The following AHRR variants were observed in gnomAD, a reference collection of about 807,000 sequenced individuals.
AHRR encodes the protein ahR repressor.
A neutral mutation model predicts 44.0 loss-of-function variants in AHRR; 28 were observed. That is an observed-to-expected ratio of 0.64 (90% confidence interval 0.47 to 0.87). AHRR has a LOEUF of 0.87. AHRR is among the 40% of genes least tolerant of loss of function. The pLI is 0.00. For synonymous variants in AHRR, 434 were observed against 407.0 expected (o/e 1.07, Z -0.80); for missense variants, 990 against 953.9 (o/e 1.04, Z -0.50).
At chr5:325,909 A>C (rs1741689801) in intron 1 of AHRR, among the ~76,000 whole-genome samples, 2 of 152,034 alleles carry the variant, frequency 1.3e-5, no homozygotes. Flanking sequence ...TAGCCTCCCG[A>C]GTAGCTGGGA....
rs551064011 is a variant in AHRR at position 368,116 on chromosome 5, C to T, written c.245-8494C>T. 84 of 593,684 alleles carry T rather than the reference C, an allele frequency of 1.4e-4. No individual in the cohort carries two copies. In the African/African-American group the frequency reaches 1.5e-3, roughly 11 times the overall value. The allele number at this position is 593,684 out of a possible 1,614,324, so 36.8% of individuals were successfully genotyped here. ...TTCATTATTTATAAACAAATGGAGA[C>T]TCTGACAGCTGAGCTGGCACTCCTC... On this transcript the variant is annotated intron_variant, in intron 3 of 10. Coordinates refer to ENST00000684583, the MANE Select transcript of AHRR (RefSeq NM_001377236.1).
At chr5:330,668 C>T (rs959353205) in intron 1 of AHRR, among the ~76,000 whole-genome samples, 10 of 151,946 alleles carry the variant, frequency 6.6e-5, no homozygotes, top group African/African-American at 1.7e-4. Context: ...CTGTGCGCCG[C>T]GGAGGATTTT....
intron 4 of AHRR, among the ~76,000 whole-genome samples, chr5:378,008 G>A (rs1473670657): frequency 1.3e-5 from 2 of 152,202 alleles, no homozygotes; most frequent in African/African-American, 4.8e-5. Flanking sequence ...AGCAGTTCCC[G>A]AAGTCTCAGT....
intron 1 of AHRR, among the ~76,000 whole-genome samples, chr5:329,656 C>T (rs573675780): frequency 6.6e-6 from 1 of 152,316 alleles, no homozygotes; most frequent in East Asian, 1.9e-4. Context: ...TTTGTGTCAT[C>T]TACAATTTTC....
At position 427,871 on chromosome 5, in the gene AHRR, C is replaced by A; in HGVS notation, c.773C>A (p.Ala258Asp). The A allele has an allele frequency of 2.5e-6, 4 of 1,614,086 alleles. No homozygotes were observed. Among genetic ancestry groups the A allele is most frequent in the Non-Finnish European group, 3.4e-6 (4 of 1,180,016 alleles). Residue 258 changes from alanine to aspartate, a missense_variant, in exon 8 of 11, where the codon GCC becomes GAC. Coordinates refer to ENST00000684583, the MANE Select transcript of AHRR (RefSeq NM_001377236.1). ...CAGAAGAAGAAGGCGCCGTCAGGAG[C>A]CATGCTCCCGCCGCGGCTGTCGCTG... ...FGQKKKAPSG[A>D]MLPPRLSLFC...
chr5:421,765 G>C (rs1371343875), intron 5 of AHRR, among the ~76,000 whole-genome samples: 3 of 152,234 alleles, frequency 2.0e-5, no homozygotes, highest in Admixed American at 1.3e-4. Flanking sequence ...CTGAGGCTGT[G>C]TCTCATCTTG....
chr5:337,280 A>G lies in AHRR; in HGVS notation c.-10-6613A>G, dbSNP rs1308416645. On this transcript the variant is annotated intron_variant, in intron 1 of 10. Coordinates refer to ENST00000684583, the MANE Select transcript of AHRR (RefSeq NM_001377236.1). The surrounding 1 kb of genome is among the most constrained non-coding windows in gnomAD (Gnocchi z 4.1). ...CACTGTCCTCCCCACTTTATAGAGA[A>G]GCAAATCCCTAACATGCCATTTATT... Among the ~76,000 whole-genome samples, 1 of 152,204 alleles carries G rather than the reference A, an allele frequency of 6.6e-6. No individual in the cohort carries two copies. The highest frequency in any genetic ancestry group is 1.5e-5 in the Non-Finnish European group (1 of 68,028).
At position 433,755 on chromosome 5, in the gene AHRR, C is replaced by T. The variant is rs370611919; in HGVS notation, c.1113-98C>T. 220 of 1,303,566 alleles carry T rather than the reference C, an allele frequency of 1.7e-4. 1 individual carries two copies. The African/African-American group carries it at 3.2e-3, about 19-fold the overall frequency. The allele number at this position is 1,303,566 out of a possible 1,614,324, so 80.7% of individuals were successfully genotyped here. A position where few individuals can be genotyped will look rare whatever the true frequency, so the allele number is the denominator to read the frequency against. ...GTAGCAGCCTTGGCAGATTTAGCAT[C>T]GTCCTGATTTCGTAGCCTCCCTTAG... On this transcript the variant is annotated intron_variant, in intron 10 of 10. Coordinates refer to ENST00000684583, the MANE Select transcript of AHRR (RefSeq NM_001377236.1).
chr5:372,907 G>T (rs1743627203), intron 3 of AHRR, among the ~76,000 whole-genome samples: 1 of 152,204 alleles, frequency 6.6e-6, no homozygotes, highest in Non-Finnish European at 1.5e-5. Flanking sequence ...TCTCCTCTGT[G>T]TGAAGAAACA....
Position 434,746 on chromosome 5 carries a change from G to A in AHRR, c.2006G>A (p.Ser669Asn), listed in dbSNP as rs777313788. Residue 669 changes from serine (S) to asparagine (N), a missense_variant, in exon 11 of 11, where the codon AGC becomes AAC. By Grantham distance (46) the Ser-to-Asn change is conservative. Transcript: ENST00000684583. Reference protein sequence around the residue: ...PLDSPQWATHSQGMVPGMLPK... With the variant: ...PLDSPQWATHNQGMVPGMLPK... ...GACTCACCCCAGTGGGCTACTCACA[G>A]CCAGGGAATGGTGCCCGGGATGTTG... is the stretch of plus-strand genomic sequence containing the variant. The A allele has an allele frequency of 2.6e-6, 4 of 1,568,092 alleles. No individual in the cohort carries two copies. In the Admixed American group the frequency reaches 7.4e-5, roughly 29 times the overall value.
At chr5:431,486 C>T (rs1365851955) in intron 8 of AHRR, among the ~76,000 whole-genome samples, 1 of 152,178 alleles carries the variant, frequency 6.6e-6, no homozygotes, top group Non-Finnish European at 1.5e-5. Context: ...ACCTTGTGGT[C>T]CACCAGTCCT....
intron 1 of AHRR, among the ~76,000 whole-genome samples, chr5:332,424 T>C (rs376947874): frequency 8.5e-4 from 129 of 152,110 alleles, no homozygotes; most frequent in South Asian, 3.5e-3. Context: ...TGCACCACCA[T>C]GCCCAGCTAA....
Position 432,448 on chromosome 5 carries a change from C to G in AHRR, c.909-15C>G. On this transcript the variant is annotated splice_polypyrimidine_tract_variant and intron_variant, in intron 8 of 10. Transcript: ENST00000684583. ...CATCCGTCACATGTCACATGTTCAT[C>G]TGTGTTCTTCACAGAGTAAAAGCCA... 6.2e-7 allele frequency: 1 copy of G among 1,613,602 alleles called. No individual in the cohort carries two copies. Among genetic ancestry groups the G allele is most frequent in the East Asian group, 2.2e-5 (1 of 44,878 alleles).
intron 1 of AHRR, among the ~76,000 whole-genome samples, chr5:336,006 C>T (rs1742106617): frequency 1.3e-5 from 2 of 152,224 alleles, no homozygotes. Context: ...TCCCTAATGC[C>T]TCGGACTGGC....
intron 7 of AHRR, among the ~76,000 whole-genome samples, chr5:426,760 G>C (rs1400954931): frequency 6.7e-6 from 1 of 149,004 alleles, no homozygotes; most frequent in Admixed American, 6.7e-5. Flanking sequence ...GGAAGATGAT[G>C]GATGCATGGA....
At chr5:355,195 C>G (rs1022172274) in intron 3 of AHRR, among the ~76,000 whole-genome samples, 1 of 152,166 alleles carries the variant, frequency 6.6e-6, no homozygotes, top group Admixed American at 6.5e-5. Context: ...CCTGAGAGAC[C>G]TGGGGTTTGC....
At chr5:351,505 A>G (rs1417270362) in intron 2 of AHRR, among the ~76,000 whole-genome samples, 1 of 152,210 alleles carries the variant, frequency 6.6e-6, no homozygotes, top group African/African-American at 2.4e-5. Flanking sequence ...CGGCCACAGA[A>G]GGCCACGTCT....
chr5:421,305 G>GC (rs1208093506), intron 5 of AHRR: 9 of 696,818 alleles, frequency 1.3e-5, no homozygotes, highest in Non-Finnish European at 2.1e-5. Context: ...CGCTGCAGGT[G>GC]CCCCCACGGT....
chr5:364,326 A>G (rs115629251), intron 3 of AHRR, among the ~76,000 whole-genome samples: 214 of 152,358 alleles, frequency 1.4e-3, no homozygotes, highest in African/African-American at 5.0e-3. Context: ...GGTGGTGACT[A>G]TATGGGTAAA....
Sources: gnomAD v4.1 joint callset for allele counts (sites outside exome capture counted in the v4.1 genomes callset) on GRCh38, gnomAD v4.1.1 for gene constraint, Gnocchi (gnomAD v3.1) non-coding constraint, MANE v1.5 for transcripts, NCBI Gene and HGNC (gene_info 2026-07-23, HGNC 2026-07-21) for gene names.